SLC1A2: variants seen among roughly 807,000 people sequenced by gnomAD.
The protein encoded by SLC1A2 is excitatory amino acid transporter 2.
SLC1A2 carries 15 observed loss-of-function variants against 48.8 expected under a neutral mutation model. The ratio of observed to expected loss-of-function variants is 0.31; its 90% confidence interval spans 0.21 to 0.47. The LOEUF (loss-of-function observed/expected upper bound fraction) is 0.47, where lower values mean the gene tolerates loss of function less well. Ranked by LOEUF, SLC1A2 falls within the 20% of genes least tolerant of loss-of-function variation. SLC1A2 has a pLI of 0.99. For synonymous variants in SLC1A2, 279 were observed against 272.6 expected, an observed-to-expected ratio of 1.02 and a Z score of -0.23; for missense variants, 502 against 730.5, an observed-to-expected ratio of 0.69 and a Z score of 3.61.
intron 8 of SLC1A2, among the ~76,000 whole-genome samples, chr11:35,282,857 C>A (rs978347282): frequency 1.3e-5 from 2 of 152,064 alleles, no homozygotes; most frequent in Admixed American, 6.5e-5. Flanking sequence ...CTAATAATAC[C>A]CTCACCCTCC....
At chr11:35,293,657 G>T (rs2134753006) in intron 6 of SLC1A2, among the ~76,000 whole-genome samples, 2 of 152,268 alleles carry the variant, frequency 1.3e-5, no homozygotes, top group South Asian at 4.1e-4. Flanking sequence ...GAACATACTT[G>T]AGAGAAAGAC....
Position 35,251,652 on chromosome 11 carries a change from A to C in SLC1A2, c.*9242T>G, listed in dbSNP as rs1950240272. 6.6e-6 allele frequency: 1 copy of C among 152,598 alleles called. No homozygotes were observed. Among genetic ancestry groups the C allele is most frequent in the African/African-American group, 2.4e-5 (1 of 41,456 alleles). 9.5% of individuals were successfully genotyped at this position (152,598 alleles called of 1,614,324 possible). ...AAAGCCCAGTTTTATTTCAGGAAGTATTCCATCCTAAATTTGAAAGGAGTT... is the reference window on the plus strand; with the variant it reads ...AAAGCCCAGTTTTATTTCAGGAAGTCTTCCATCCTAAATTTGAAAGGAGTT... On this transcript the variant is annotated 3_prime_UTR_variant, in exon 11 of 11. Transcript: ENST00000278379.
At chr11:35,338,827 A>T (rs1852730866) in intron 1 of SLC1A2, among the ~76,000 whole-genome samples, 2 of 152,192 alleles carry the variant, frequency 1.3e-5, no homozygotes, top group Admixed American at 1.3e-4. Context: ...TTTGAAATAG[A>T]CACAATTACT....
At chr11:35,362,701 C>A (rs1401008585) in intron 1 of SLC1A2, among the ~76,000 whole-genome samples, 1 of 152,192 alleles carries the variant, frequency 6.6e-6, no homozygotes, top group Non-Finnish European at 1.5e-5. Context: ...GCAAAACAAC[C>A]ATTGACTTTA....
At position 35,315,097 on chromosome 11, in the gene SLC1A2, G is replaced by C. The variant is rs377633002; in HGVS notation, c.236C>G (p.Ala79Gly). Residue 79 changes from alanine (A) to glycine (G), a missense_variant, in exon 3 of 11, where the codon GCC becomes GGC. By Grantham distance (60) the Ala-to-Gly change is moderately conservative (BLOSUM62 0). Transcript: ENST00000278379. ...CCTCATGAGTATATCCCCTGGGAAG[G>C]CTATTAACATAACCACATCAGGGTG... ...PIHPDVVMLI[A>G]FPGDILMRML... The C allele has an allele frequency of 2.9e-4, 469 of 1,611,546 alleles. No homozygotes were observed. The highest frequency in any genetic ancestry group is 3.8e-4 in the Non-Finnish European group (450 of 1,177,788).
chr11:35,399,616 T>A (rs1186247872), intron 1 of SLC1A2: 1 of 984,070 alleles, frequency 1.0e-6, no homozygotes, highest in African/African-American at 1.7e-5. Flanking sequence ...GCGTTTTCCA[T>A]TTGTATGCGG....
intron 4 of SLC1A2, among the ~76,000 whole-genome samples, chr11:35,310,697 T>C (rs955615309): frequency 6.6e-6 from 1 of 152,248 alleles, no homozygotes; most frequent in Non-Finnish European, 1.5e-5. Flanking sequence ...TAGCTTAGTT[T>C]CTACCTGGGT....
At chr11:35,407,241 C>A (rs1045438346) in intron 1 of SLC1A2, among the ~76,000 whole-genome samples, 13 of 152,166 alleles carry the variant, frequency 8.5e-5, no homozygotes, top group African/African-American at 3.1e-4. Flanking sequence ...AGGCAGGCAG[C>A]CATTTCCTCC....
At chr11:35,419,755 C>T, upstream of SLC1A2, 1 of 280,110 alleles carries the variant, frequency 3.6e-6, no homozygotes, top group Non-Finnish European at 7.7e-6. The surrounding 1 kb of genome is among the most constrained non-coding windows in gnomAD (Gnocchi z 5.4). Flanking sequence ...TATTGTTTCC[C>T]CTGAAGCCCG....
At position 35,260,887 on chromosome 11, in the gene SLC1A2, C is replaced by T. The variant is rs1236603189; in HGVS notation, c.*7G>A. 1.9e-6 allele frequency: 3 copies of T among 1,603,228 alleles called. No individual in the cohort carries two copies. The highest frequency in any genetic ancestry group is 1.3e-5 in the African/African-American group (1 of 74,804). On this transcript the variant is annotated 3_prime_UTR_variant, in exon 11 of 11. Coordinates refer to ENST00000278379, the MANE Select transcript of SLC1A2 (RefSeq NM_004171.4). ...GTTTATTCAAGAATTTGCTGAGACTCATATCCTTATTTCTCACGTTTCCAA... is the reference window on the plus strand; with the variant it reads ...GTTTATTCAAGAATTTGCTGAGACTTATATCCTTATTTCTCACGTTTCCAA...
At chr11:35,361,577 T>C (rs907682437) in intron 1 of SLC1A2, among the ~76,000 whole-genome samples, 1 of 152,124 alleles carries the variant, frequency 6.6e-6, no homozygotes, top group Non-Finnish European at 1.5e-5. Flanking sequence ...ATCTCCCATA[T>C]CATGGCAATC....
At chr11:35,356,705 G>A (rs1853481907) in intron 1 of SLC1A2, among the ~76,000 whole-genome samples, 1 of 152,144 alleles carries the variant, frequency 6.6e-6, no homozygotes, top group South Asian at 2.1e-4. Flanking sequence ...GAATGGCATT[G>A]ACAAATGTAA....
At chr11:35,337,068 G>A (rs1455972744) in intron 1 of SLC1A2, among the ~76,000 whole-genome samples, 1 of 152,116 alleles carries the variant, frequency 6.6e-6, no homozygotes, top group Admixed American at 6.5e-5. Context: ...AAGAGCTAAA[G>A]AGTTGTGGTT....
At chr11:35,284,726 C>T (rs192721437) in intron 8 of SLC1A2, among the ~76,000 whole-genome samples, 47 of 152,234 alleles carry the variant, frequency 3.1e-4, no homozygotes, top group African/African-American at 1.1e-3. Context: ...TGGTTGAATA[C>T]CTCAGAGCTA....
intron 8 of SLC1A2, among the ~76,000 whole-genome samples, chr11:35,282,411 T>C (rs994299976): frequency 2.0e-5 from 3 of 152,124 alleles, no homozygotes; most frequent in Admixed American, 6.5e-5. Flanking sequence ...AAAAAGGAGA[T>C]AGTAATGGTA....
At chr11:35,352,363 C>T (rs1309804963) in intron 1 of SLC1A2, 2 of 152,316 alleles carry the variant, frequency 1.3e-5, no homozygotes, top group South Asian at 2.1e-4. Context: ...GGTCCCTTAT[C>T]AGTCCAAGCC....
chr11:35,408,012 G>C (rs1449498552), intron 1 of SLC1A2, among the ~76,000 whole-genome samples: 2 of 152,174 alleles, frequency 1.3e-5, no homozygotes, highest in East Asian at 3.9e-4. Context: ...CAAATGCTAA[G>C]CCAGTATGCT....
At chr11:35,310,556 C>A (rs1464622237) in intron 4 of SLC1A2, among the ~76,000 whole-genome samples, 1 of 152,224 alleles carries the variant, frequency 6.6e-6, no homozygotes, top group Non-Finnish European at 1.5e-5. Context: ...GTAATCTGGG[C>A]TCAGCAATGG....
intron 1 of SLC1A2, among the ~76,000 whole-genome samples, chr11:35,354,063 C>T (rs182536822): frequency 6.6e-5 from 10 of 152,244 alleles, no homozygotes; most frequent in African/African-American, 1.9e-4. Flanking sequence ...TGGGTCTGAT[C>T]GTTATACAGA....
Sources: allele counts gnomAD v4.1 joint callset (sites outside exome capture counted in the v4.1 genomes callset), GRCh38; gene constraint gnomAD v4.1.1; non-coding constraint Gnocchi (gnomAD v3.1); transcripts MANE v1.5; gene names NCBI Gene and HGNC (gene_info 2026-07-23, HGNC 2026-07-21).